Variants in FOXP1 observed in about 807,000 individuals in gnomAD.
FOXP1 encodes the protein forkhead box P1.
FOXP1 carries 15 observed loss-of-function variants against 98.2 expected under a neutral mutation model. The ratio of observed to expected loss-of-function variants is 0.15; its 90% CI spans 0.10 to 0.24. FOXP1 has a LOEUF of 0.24. FOXP1 is among the 10% of genes least tolerant of loss of function. The probability of loss-of-function intolerance (pLI) is 1.00; values close to 1 mark genes in which losing one functional copy is unlikely to be tolerated. For synonymous variants in FOXP1, 371 were observed against 314.5 expected (o/e 1.18, Z -1.90); for missense variants, 633 against 848.5 (o/e 0.75, Z 3.15).
chr3:71,052,217 A>G (rs1576448878), intron 9 of FOXP1, among the ~76,000 whole-genome samples: 2 of 152,128 alleles, frequency 1.3e-5, no homozygotes, highest in East Asian at 3.8e-4. Flanking sequence ...TTTTCCTGAA[A>G]GCACTTCACT....
chr3:71,134,368 G>C (rs1178428549), intron 6 of FOXP1, among the ~76,000 whole-genome samples: 1 of 152,140 alleles, frequency 6.6e-6, no homozygotes, highest in African/African-American at 2.4e-5. Context: ...TGATAGCAAG[G>C]CCAAGAGAAA....
At chr3:71,440,405 CG>C (rs973116350) in intron 3 of FOXP1, among the ~76,000 whole-genome samples, 5 of 141,506 alleles carry the variant, frequency 3.5e-5, no homozygotes, top group Admixed American at 7.0e-5. Flanking sequence ...GTGCCGGGCG[CG>C]GTGGCTCACG....
chr3:71,492,557 A>G (rs1405729508), intron 3 of FOXP1, among the ~76,000 whole-genome samples: 1 of 152,028 alleles, frequency 6.6e-6, no homozygotes, highest in African/African-American at 2.4e-5. Flanking sequence ...GCTTCACTAC[A>G]CTTCTCTCCA....
chr3:71,004,010 T>C (rs547285680), intron 12 of FOXP1, among the ~76,000 whole-genome samples: 1 of 152,168 alleles, frequency 6.6e-6, no homozygotes, highest in Non-Finnish European at 1.5e-5. Flanking sequence ...TTTTGGTTAT[T>C]TACTATAGTT....
intron 5 of FOXP1, among the ~76,000 whole-genome samples, chr3:71,261,186 C>T (rs1204124218): frequency 1.3e-5 from 2 of 152,100 alleles, no homozygotes; most frequent in South Asian, 2.1e-4. Context: ...GCAAAGCTGT[C>T]GGATATTCTA....
chr3:71,209,943 A>T (rs2064328498), intron 5 of FOXP1, among the ~76,000 whole-genome samples: 1 of 152,234 alleles, frequency 6.6e-6, no homozygotes, highest in East Asian at 1.9e-4. Context: ...TTACACTTAT[A>T]ATCAGTTAGC....
intron 6 of FOXP1, among the ~76,000 whole-genome samples, chr3:71,119,415 C>T (rs775657606): frequency 1.3e-5 from 2 of 152,148 alleles, no homozygotes; most frequent in Non-Finnish European, 2.9e-5. Context: ...TTCCTAGACT[C>T]TCTCCACCCC....
chr3:71,556,669 T>C (rs1464482586), intron 2 of FOXP1, among the ~76,000 whole-genome samples: 1 of 151,844 alleles, frequency 6.6e-6, no homozygotes, highest in Non-Finnish European at 1.5e-5. Flanking sequence ...CATAGTCTTT[T>C]TTTTTTTTAA....
At chr3:71,193,262 C>T (rs1377759518) in intron 6 of FOXP1, among the ~76,000 whole-genome samples, 1 of 128,514 alleles carries the variant, frequency 7.8e-6, no homozygotes, top group African/African-American at 3.5e-5. Context: ...ATTCTCCTAC[C>T]TCAGCCTCCA....
At chr3:71,507,092 G>A (rs1377683399) in intron 2 of FOXP1, among the ~76,000 whole-genome samples, 4 of 152,182 alleles carry the variant, frequency 2.6e-5, no homozygotes, top group Non-Finnish European at 5.9e-5. Context: ...TGTGTGAGCT[G>A]CTGCCAGTCC....
chr3:71,253,636 G>A (rs11719320), intron 5 of FOXP1, among the ~76,000 whole-genome samples: 16,361 of 151,906 alleles, frequency 0.11, 977 homozygotes, highest in South Asian at 0.25. Context: ...CAAATAACTC[G>A]AAGATTTAAC....
At chr3:71,084,770 T>C (rs1440264532) in intron 7 of FOXP1, among the ~76,000 whole-genome samples, 1 of 152,200 alleles carries the variant, frequency 6.6e-6, no homozygotes, top group Admixed American at 6.5e-5. Flanking sequence ...CAGTGGCTCA[T>C]GCCTGTAATC....
intron 7 of FOXP1, among the ~76,000 whole-genome samples, chr3:71,073,620 A>C (rs954249320): frequency 6.6e-6 from 1 of 152,190 alleles, no homozygotes; most frequent in Non-Finnish European, 1.5e-5. Flanking sequence ...GTAAAGTGGG[A>C]ATGATTATCT....
chr3:71,177,840 C>CTTTTTTTTTTTTTT (rs397704711), intron 6 of FOXP1, among the ~76,000 whole-genome samples: 4 of 114,942 alleles, frequency 3.5e-5, no homozygotes, highest in East Asian at 2.5e-4. Context: ...TTCTTTCTTT[C>CTTTTTTTTTTTTTT]TTTTTTTTTT....
intron 3 of FOXP1, among the ~76,000 whole-genome samples, chr3:71,397,021 T>TACAC (rs1560425192): frequency 2.5e-5 from 1 of 39,396 alleles, no homozygotes; most frequent in Admixed American, 2.3e-4. Flanking sequence ...TATATATATA[T>TACAC]ATACATATAT....
At chr3:71,452,915 T>G (rs1021340021) in intron 3 of FOXP1, among the ~76,000 whole-genome samples, 1 of 152,116 alleles carries the variant, frequency 6.6e-6, no homozygotes, top group Non-Finnish European at 1.5e-5. Flanking sequence ...CTGGCATCTG[T>G]AGAAAAATCA....
intron 2 of FOXP1, among the ~76,000 whole-genome samples, chr3:71,575,272 T>C (rs2047637930): frequency 6.6e-6 from 1 of 152,140 alleles, no homozygotes; most frequent in African/African-American, 2.4e-5. Context: ...AAATCATCAG[T>C]AAAATCCAAG....
chr3:71,341,748 G>A (rs934511269), intron 4 of FOXP1, among the ~76,000 whole-genome samples: 5 of 152,174 alleles, frequency 3.3e-5, no homozygotes, highest in Non-Finnish European at 7.3e-5. Flanking sequence ...AATATTACTA[G>A]GATTTAATCA....
At chr3:71,224,502 G>T (rs978036419) in intron 5 of FOXP1, among the ~76,000 whole-genome samples, 1 of 152,174 alleles carries the variant, frequency 6.6e-6, no homozygotes, top group Non-Finnish European at 1.5e-5. Context: ...AGTACAATCC[G>T]CACAAGTGAT....
Sources: gnomAD v4.1 joint callset for allele counts (sites outside exome capture counted in the v4.1 genomes callset) on GRCh38, gnomAD v4.1.1 for gene constraint, MANE v1.5 for transcripts, NCBI Gene and HGNC (gene_info 2026-07-23, HGNC 2026-07-21) for gene names.